Variants in CSMD3 observed in about 807,000 individuals in gnomAD.
The protein encoded by CSMD3 is CUB and Sushi multiple domains 3, also known as CUB and sushi domain-containing protein 3.
In CSMD3, 177 loss-of-function variants were observed where a neutral mutation model predicts 435.2. The observed-to-expected ratio is 0.41, with a 90% confidence interval of 0.36 to 0.46. The LOEUF (loss-of-function observed/expected upper bound fraction) is 0.46, where lower values mean the gene tolerates loss of function less well. Among genes scored for constraint, CSMD3 ranks in the 20% least tolerant of loss-of-function variants. The pLI is 0.34. For missense variants in CSMD3, 4,265 were observed against 4,504.6 expected (o/e 0.95, Z 1.52); for synonymous variants, 1,656 against 1,520.5 (o/e 1.09, Z -2.07).
intron 32 of CSMD3, among the ~76,000 whole-genome samples, chr8:112,411,344 C>T (rs1811322986): frequency 6.6e-6 from 1 of 151,616 alleles, no homozygotes; most frequent in Non-Finnish European, 1.5e-5. Context: ...GTTATTAACT[C>T]GGTTGGGAGA....
At chr8:112,426,957 G>A (rs192896170) in intron 32 of CSMD3, among the ~76,000 whole-genome samples, 10 of 152,190 alleles carry the variant, frequency 6.6e-5, no homozygotes, top group African/African-American at 2.2e-4. Context: ...GTGTCAGCAT[G>A]GCTCTCCTTT....
At chr8:112,480,871 T>TA (rs1819569112) in intron 31 of CSMD3, among the ~76,000 whole-genome samples, 2 of 152,186 alleles carry the variant, frequency 1.3e-5, no homozygotes, top group Non-Finnish European at 2.9e-5. Flanking sequence ...GGAATATGCT[T>TA]ATTTAGTGAG....
At chr8:113,154,517 T>A (rs2091895137) in intron 4 of CSMD3, among the ~76,000 whole-genome samples, 1 of 151,996 alleles carries the variant, frequency 6.6e-6, no homozygotes, top group Non-Finnish European at 1.5e-5. Context: ...ATGGGATAAG[T>A]CCTGTGTACA....
At chr8:113,122,843 G>C (rs2091022879) in intron 4 of CSMD3, among the ~76,000 whole-genome samples, 1 of 151,874 alleles carries the variant, frequency 6.6e-6, no homozygotes, top group African/African-American at 2.4e-5. Context: ...ATTTGTTACA[G>C]CAGCAATACA....
intron 11 of CSMD3, among the ~76,000 whole-genome samples, chr8:112,831,586 A>C (rs574110090): frequency 6.8e-6 from 1 of 146,884 alleles, no homozygotes; most frequent in South Asian, 2.1e-4. Context: ...TTTCCTTAAT[A>C]CTAATTGAGT....
intron 53 of CSMD3, among the ~76,000 whole-genome samples, chr8:112,300,038 T>C (rs564546448): frequency 8.0e-5 from 12 of 150,030 alleles, no homozygotes; most frequent in Non-Finnish European, 1.5e-4. Flanking sequence ...AAATATAGTA[T>C]TTTCAAATTT....
chr8:112,313,072 C>G (rs1191990648), intron 49 of CSMD3, among the ~76,000 whole-genome samples: 1 of 152,066 alleles, frequency 6.6e-6, no homozygotes, highest in African/African-American at 2.4e-5. Flanking sequence ...AGAATGGTCT[C>G]TGACATGATT....
chr8:112,929,576 T>C (rs1029567014), intron 9 of CSMD3, among the ~76,000 whole-genome samples: 19 of 152,162 alleles, frequency 1.2e-4, no homozygotes, highest in Non-Finnish European at 2.2e-4. Flanking sequence ...AGATTTTGTG[T>C]CTTAATTAAA....
chr8:112,707,090 A>C (rs1294326739), intron 13 of CSMD3, among the ~76,000 whole-genome samples: 2 of 152,094 alleles, frequency 1.3e-5, no homozygotes, highest in Non-Finnish European at 2.9e-5. Context: ...CTATAATAGC[A>C]ATCAAAGTAA....
intron 13 of CSMD3, among the ~76,000 whole-genome samples, chr8:112,711,338 C>T (rs992001264): frequency 2.0e-5 from 3 of 151,614 alleles, no homozygotes; most frequent in East Asian, 1.9e-4. Flanking sequence ...ATTAAACAAG[C>T]GCATTGCGAT....
chr8:112,984,912 T>A (rs2085195069), intron 6 of CSMD3, among the ~76,000 whole-genome samples: 1 of 152,068 alleles, frequency 6.6e-6, no homozygotes, highest in Non-Finnish European at 1.5e-5. Context: ...AGGTATTACA[T>A]TCCATCTTCT....
intron 24 of CSMD3, among the ~76,000 whole-genome samples, chr8:112,558,240 C>G (rs1410763269): frequency 1.3e-5 from 2 of 151,668 alleles, no homozygotes; most frequent in Non-Finnish European, 2.9e-5. Flanking sequence ...AACTAGAAAA[C>G]CTCTCCCCCA....
chr8:112,718,140 C>A (rs996635101), intron 13 of CSMD3, among the ~76,000 whole-genome samples: 1 of 152,052 alleles, frequency 6.6e-6, no homozygotes, highest in African/African-American at 2.4e-5. Flanking sequence ...CATATTATTT[C>A]TTTGCATAAT....
intron 38 of CSMD3, among the ~76,000 whole-genome samples, chr8:112,356,042 G>C (rs1826570825): frequency 6.6e-6 from 1 of 152,054 alleles, no homozygotes; most frequent in Admixed American, 6.6e-5. Context: ...AACAGATGGT[G>C]GCAAGGCTGC....
Position 112,954,693 on chromosome 8 carries a change from A to G in CSMD3, c.1411T>C (p.Phe471Leu). ...LFPGKDNSNK[F>L]SILNEGGIKT... Reference sequence around the variant, plus strand: ...AAAGAAGTACACTCACAGATAGAAAACTTGTTGCTGTTGTCTTTCCCTGGA... The same window carrying G: ...AAAGAAGTACACTCACAGATAGAAAGCTTGTTGCTGTTGTCTTTCCCTGGA... Residue 471 changes from phenylalanine (F) to leucine (L), a missense_variant, in exon 8 of 71, where the codon TTT becomes CTT. Phe to Leu is a conservative substitution (Grantham distance 22). Around this residue, in one of 3 missense-constraint regions of CSMD3, gnomAD observed 731 missense variants for 755.4 expected, o/e 0.97. Coordinates refer to ENST00000297405, the MANE Select transcript of CSMD3 (RefSeq NM_198123.2). The G allele has an allele frequency of 6.3e-7, 1 of 1,597,270 alleles. No homozygotes were observed. The highest frequency in any genetic ancestry group is 1.3e-5 in the African/African-American group (1 of 74,646).
chr8:112,648,824 A>C lies in CSMD3; in HGVS notation c.3193+1337T>G, dbSNP rs142595121. ...GTAGCTTTATTAGGGTCTGGCAAAC[A>C]TAGGACTTTTAAACCACCATGGTCT... On this transcript the variant is annotated intron_variant, in intron 19 of 70. Transcript: ENST00000297405. Among the ~76,000 whole-genome samples the C allele has an allele frequency of 2.6e-5, 4 of 152,308 alleles. No individual in the cohort carries two copies. In the East Asian group the frequency reaches 7.7e-4, roughly 29 times the overall value.
chr8:113,127,692 T>C (rs1008298512), intron 4 of CSMD3, among the ~76,000 whole-genome samples: 8 of 152,068 alleles, frequency 5.3e-5, no homozygotes, highest in Non-Finnish European at 1.0e-4. Flanking sequence ...CTTTAATCCA[T>C]ACCCTGTAGA....
rs551336225 is a variant in CSMD3, at chr8:113,328,452, A to T, written c.179-13659T>A. Among the ~76,000 whole-genome samples, 3 of 151,800 alleles carry T rather than the reference A, an allele frequency of 2.0e-5. No individual in the cohort carries two copies. In the South Asian group the frequency reaches 6.2e-4, roughly 32 times the overall value. ...GACTCCGTCTCAAAAAAAAAAAAAA[A>T]AAAGATGAAAGATGTATTGATTTGC... On this transcript the variant is annotated intron_variant, in intron 1 of 70. Transcript: ENST00000297405.
At chr8:113,011,727 C>A (rs888598843) in intron 6 of CSMD3, among the ~76,000 whole-genome samples, 4 of 151,332 alleles carry the variant, frequency 2.6e-5, no homozygotes, top group Non-Finnish European at 5.9e-5. Context: ...TAATAAAAGG[C>A]CTTAAATCTT....
Sources: gnomAD v4.1 joint callset for allele counts (sites outside exome capture counted in the v4.1 genomes callset) on GRCh38, gnomAD v4.1.1 for gene constraint, gnomAD v4.1.1 regional missense constraint, MANE v1.5 for transcripts, NCBI Gene and HGNC (gene_info 2026-07-23, HGNC 2026-07-21) for gene names.